The following ABCC4 variants were observed in gnomAD, a reference collection of about 807,000 sequenced individuals.
The protein encoded by ABCC4 is ATP-binding cassette sub-family C member 4.
A neutral mutation model predicts 168.5 loss-of-function variants in ABCC4; 102 were observed. The ratio of observed to expected loss-of-function variants is 0.61; its 90% CI spans 0.52 to 0.71. ABCC4 has a LOEUF of 0.71. ABCC4 is among the 30% of genes least tolerant of loss of function. The pLI is 0.00. For synonymous variants in ABCC4, 617 were observed against 590.7 expected, an observed-to-expected ratio of 1.04 and a Z score of -0.65; for missense variants, 1,402 against 1,605.8, an observed-to-expected ratio of 0.87 and a Z score of 2.17.
intron 28 of ABCC4, among the ~76,000 whole-genome samples, chr13:95,043,998 C>T (rs9302042): frequency 0.11 from 17,202 of 152,054 alleles, 1,050 homozygotes; most frequent in Middle Eastern, 0.14. Flanking sequence ...CATAAAACAA[C>T]GAAAAATGTC....
chr13:95,136,746 C>T (rs1002872257), intron 19 of ABCC4, among the ~76,000 whole-genome samples: 3 of 152,304 alleles, frequency 2.0e-5, no homozygotes, highest in East Asian at 1.9e-4. Flanking sequence ...GTGGTGGACA[C>T]GCTGGGGAAG....
chr13:95,041,635 GAACAT>G (rs1003536815), intron 29 of ABCC4, among the ~76,000 whole-genome samples: 105 of 152,178 alleles, frequency 6.9e-4, no homozygotes, highest in African/African-American at 2.4e-3. Flanking sequence ...TAACAGAACA[GAACAT>G]GTGTTTTCTG....
chr13:95,072,115 T>C (rs1324187869), intron 24 of ABCC4, among the ~76,000 whole-genome samples: 1 of 152,200 alleles, frequency 6.6e-6, no homozygotes, highest in African/African-American at 2.4e-5. Flanking sequence ...ACACCTGTAT[T>C]AAAGGCAAGA....
intron 7 of ABCC4, among the ~76,000 whole-genome samples, chr13:95,206,992 A>C (rs1163598041): frequency 6.6e-6 from 1 of 152,000 alleles, no homozygotes; most frequent in Non-Finnish European, 1.5e-5. Context: ...ATGTGCTGGA[A>C]TGCAACAACT....
chr13:95,177,897 T>TCA, intron 12 of ABCC4, 100 bp downstream of exon 12: 1 of 1,498,434 alleles, frequency 6.7e-7, no homozygotes, highest in Non-Finnish European at 9.3e-7. Context: ...AGAAGGTGCT[T>TCA]CACACAGGAC....
At chr13:95,030,291 G>T (rs1464171322) in intron 30 of ABCC4, among the ~76,000 whole-genome samples, 1 of 152,072 alleles carries the variant, frequency 6.6e-6, no homozygotes, top group Non-Finnish European at 1.5e-5. Context: ...AAAGTGCTGG[G>T]ATTACAGGTG....
chr13:95,267,019 A>G (rs1594410090), intron 1 of ABCC4, among the ~76,000 whole-genome samples: 1 of 151,658 alleles, frequency 6.6e-6, no homozygotes, highest in South Asian at 2.1e-4. Context: ...ACAGGCAGGT[A>G]CCTGCCACCA....
intron 1 of ABCC4, chr13:95,269,204 G>A (rs369611094): frequency 6.8e-6 from 3 of 444,378 alleles, no homozygotes; most frequent in East Asian, 7.5e-5. Flanking sequence ...CATAGAATTT[G>A]TAGCTGGTTG....
rs572047422 is a variant in ABCC4 at position 95,259,611 on chromosome 13, A to C, written c.75-11858T>G. On this transcript the variant is annotated intron_variant, in intron 1 of 30. Coordinates refer to ENST00000645237, the MANE Select transcript of ABCC4 (RefSeq NM_005845.5). ...GAGGCATTGCCAGGGTGGCAAAATCACATGGATCAGAACCACCGCACTAAA... is the reference window on the plus strand; with the variant it reads ...GAGGCATTGCCAGGGTGGCAAAATCCCATGGATCAGAACCACCGCACTAAA... Among the ~76,000 whole-genome samples, 271 of 152,324 alleles carry C rather than the reference A, an allele frequency of 1.8e-3. 2 individuals are homozygous for C. The highest frequency in any genetic ancestry group is 6.8e-3 in the Middle Eastern group (2 of 294).
In ABCC4 at chr13:95,074,245, G is replaced by A. The variant is rs930381797; in HGVS notation, c.2886C>T (p.Ile962=). The A allele has an allele frequency of 1.4e-5, 23 of 1,613,958 alleles. 1 individual carries two copies. In the Middle Eastern group the frequency reaches 6.6e-4, roughly 46 times the overall value. The part of the protein sequence containing the change: ...LDAICAMFVI[I]VAFGSLILAK... ...CCAGAATCAGGGACCCAAAGGCAACGATGATGACAAACATGGCACAGATGG... is the reference window on the plus strand; with the variant it reads ...CCAGAATCAGGGACCCAAAGGCAACAATGATGACAAACATGGCACAGATGG... Residue 962 remains isoleucine, a synonymous_variant, in exon 23 of 31, where the codon ATC becomes ATT. Coordinates refer to ENST00000645237, the MANE Select transcript of ABCC4 (RefSeq NM_005845.5).
chr13:95,290,705 CAAAAAAAA>C (rs55933951), intron 1 of ABCC4, among the ~76,000 whole-genome samples: 3 of 56,046 alleles, frequency 5.4e-5, no homozygotes, highest in African/African-American at 1.5e-4. Context: ...AACTCTGTCT[CAAAAAAAA>C]AAAAAAAAAA....
rs745785051 is a variant in ABCC4, at chr13:95,234,666, C to T, written c.475G>A (p.Val159Ile). 2.5e-6 allele frequency: 4 copies of T among 1,614,044 alleles called. No homozygotes were observed. Among genetic ancestry groups the T allele is most frequent in the African/African-American group, 1.3e-5 (1 of 74,992 alleles). ...AILHHLYFYHVQCAGMRLRVA... is the reference protein window; with the variant it reads ...AILHHLYFYHIQCAGMRLRVA... Reference sequence around the variant, plus strand: ...CGTAACCTCATCCCAGCACACTGAACGTGATAAAAATATAAGTGATGCAGT... The same window carrying T: ...CGTAACCTCATCCCAGCACACTGAATGTGATAAAAATATAAGTGATGCAGT... The change falls in exon 4 of 31, where the codon GTT becomes ATT. Residue 159 changes from valine (V) to isoleucine (I), a missense_variant. Val to Ile is a conservative substitution (Grantham distance 29). Around this residue, in one of 3 missense-constraint regions of ABCC4, gnomAD observed 317 missense variants for 345.5 expected, o/e 0.92. Transcript: ENST00000645237.
rs527346560 is a variant in ABCC4 at position 95,159,450 on chromosome 13, A to AGATTAGTCACCTCC, written c.2455+1725_2455+1738dup. ...AGATAAACACTCAGGTGCTGCTGTA[A>AGATTAGTCACCTCC]GATTAGTCACCTCCAAGATTTAGAC... On this transcript the variant is annotated intron_variant, in intron 19 of 30. Coordinates refer to ENST00000645237, the MANE Select transcript of ABCC4 (RefSeq NM_005845.5). 2.5e-3 allele frequency among the ~76,000 whole-genome samples: 387 copies of AGATTAGTCACCTCC among 152,162 alleles called. 3 individuals carry two copies. The highest frequency in any genetic ancestry group is 9.0e-3 in the African/African-American group (374 of 41,508).
chr13:95,214,887 A>C, intron 4 of ABCC4, among the ~76,000 whole-genome samples: 1 of 148,414 alleles, frequency 6.7e-6, no homozygotes, highest in Non-Finnish European at 1.5e-5. Flanking sequence ...TCCAATTCAA[A>C]AAAAAAAAAA....
intron 1 of ABCC4, among the ~76,000 whole-genome samples, chr13:95,248,024 C>A (rs1263473283): frequency 1.3e-5 from 2 of 151,328 alleles, no homozygotes; most frequent in Non-Finnish European, 2.9e-5. Flanking sequence ...ATCTTGGTTT[C>A]CAAAACCATT....
chr13:95,221,140 A>G (rs4773848), intron 4 of ABCC4, among the ~76,000 whole-genome samples: 116,078 of 152,166 alleles, frequency 0.76, 44,803 homozygotes, highest in Non-Finnish European at 0.84. Flanking sequence ...CCCTTCAGTA[A>G]TCAGATTATT....
intron 19 of ABCC4, among the ~76,000 whole-genome samples, chr13:95,134,954 AG>A (rs1264220319): frequency 6.6e-6 from 1 of 152,152 alleles, no homozygotes; most frequent in Non-Finnish European, 1.5e-5. Flanking sequence ...CTAAATTACT[AG>A]TCTAGTGTAG....
At chr13:95,171,045 C>T (rs1186063253) in intron 13 of ABCC4, among the ~76,000 whole-genome samples, 1 of 150,846 alleles carries the variant, frequency 6.6e-6, no homozygotes, top group East Asian at 1.9e-4. Flanking sequence ...ATGCACATAT[C>T]AACGCCCCCC....
At chr13:95,215,357 C>G (rs892415216) in intron 4 of ABCC4, among the ~76,000 whole-genome samples, 2 of 152,050 alleles carry the variant, frequency 1.3e-5, no homozygotes, top group Non-Finnish European at 2.9e-5. Context: ...GCCAAGATCA[C>G]ACCACTCCAC....
Sources: allele counts gnomAD v4.1 joint callset (sites outside exome capture counted in the v4.1 genomes callset), GRCh38; gene constraint gnomAD v4.1.1; regional missense constraint gnomAD v4.1.1; transcripts MANE v1.5; gene names NCBI Gene and HGNC (gene_info 2026-07-23, HGNC 2026-07-21).